CRYBG1: variants seen among roughly 807,000 people sequenced by gnomAD.
CRYBG1 encodes beta/gamma crystallin domain-containing protein 1.
CRYBG1 carries 139 observed loss-of-function variants against 189.2 expected under a neutral mutation model. That is an observed-to-expected ratio of 0.73 (90% CI 0.64 to 0.85). The LOEUF (loss-of-function observed/expected upper bound fraction) is 0.85, where lower values mean the gene tolerates loss of function less well. Ranked by LOEUF, CRYBG1 falls within the 40% of genes least tolerant of loss-of-function variation. The probability of loss-of-function intolerance (pLI) is 0.00; values close to 1 mark genes in which losing one functional copy is unlikely to be tolerated. For synonymous variants in CRYBG1, 1,023 were observed against 1,017.1 expected, an observed-to-expected ratio of 1.01 and a Z score of -0.11; for missense variants, 2,611 against 2,675.8, an observed-to-expected ratio of 0.98 and a Z score of 0.53.
chr6:106,444,962 C>T (rs1326968792), intron 1 of CRYBG1, among the ~76,000 whole-genome samples: 1 of 150,496 alleles, frequency 6.6e-6, no homozygotes, highest in Non-Finnish European at 1.5e-5. Context: ...AGTGAGACCC[C>T]GTCTTTACAA....
chr6:106,472,935 T>A (rs938558155), intron 2 of CRYBG1, among the ~76,000 whole-genome samples: 2 of 151,090 alleles, frequency 1.3e-5, no homozygotes, highest in African/African-American at 4.9e-5. Flanking sequence ...AGAAAGTATA[T>A]TCTGTTATTA....
chr6:106,548,743 A>T (rs4946761), intron 13 of CRYBG1, among the ~76,000 whole-genome samples: 114,802 of 150,556 alleles, frequency 0.76, 46,187 homozygotes, highest in South Asian at 0.94. Flanking sequence ...CTTTTTTTTT[A>T]AATTTTATTA....
chr6:106,379,781 T>TGCTTGAGGCC (rs1582730916), intron 1 of CRYBG1, among the ~76,000 whole-genome samples: 1 of 151,954 alleles, frequency 6.6e-6, no homozygotes, highest in East Asian at 2.0e-4. Context: ...AGCTTGAGGA[T>TGCTTGAGGCC]TGCTTGAGGC....
chr6:106,521,264 A>G lies in CRYBG1; in HGVS notation c.4056A>G (p.Pro1352=). The part of the protein sequence containing the change: ...DLDSRSNLHL[P]ETKFSELSKL... ...ATTCACGAAGCAACCTACACTTGCC[A>G]GAAACTAAATTTTCTGAATTGTCAA... The change falls in exon 4 of 22, where the codon CCA becomes CCG. Residue 1352 remains proline, a synonymous_variant. Coordinates refer to ENST00000633556, the MANE Select transcript of CRYBG1 (RefSeq NM_001371242.2). 6.2e-7 allele frequency: 1 copy of G among 1,613,928 alleles called. No homozygotes were observed. The highest frequency in any genetic ancestry group is 2.2e-5 in the East Asian group (1 of 44,886).
In CRYBG1 at chr6:106,387,399, C is replaced by T. The variant is rs1483497321; in HGVS notation, c.173+26318C>T. On this transcript the variant is annotated intron_variant, in intron 1 of 21. Transcript: ENST00000633556. Reference sequence around the variant, plus strand: ...CACCCAGGAGAGATGGAAGAGACTCCGCTCCCCTCATGGGGTCTTAAGCAT... The same window carrying T: ...CACCCAGGAGAGATGGAAGAGACTCTGCTCCCCTCATGGGGTCTTAAGCAT... Among the ~76,000 whole-genome samples the T allele has an allele frequency of 4.6e-5, 7 of 152,246 alleles. No individual in the cohort carries two copies. The South Asian group carries it at 6.2e-4, about 14-fold the overall frequency.
At chr6:106,377,054 G>C (rs1238114810) in intron 1 of CRYBG1, among the ~76,000 whole-genome samples, 1 of 152,178 alleles carries the variant, frequency 6.6e-6, no homozygotes, top group African/African-American at 2.4e-5. Flanking sequence ...AAGGCAAGCA[G>C]GATACCTTCC....
At position 106,570,638 on chromosome 6, in the gene CRYBG1, G is replaced by A. The variant is rs955289122; in HGVS notation, c.*2072G>A. 3 of 152,202 alleles carry A rather than the reference G, an allele frequency of 2.0e-5. No individual in the cohort carries two copies. Among genetic ancestry groups the A allele is most frequent in the African/African-American group, 4.8e-5 (2 of 41,440 alleles). The allele number at this position is 152,202 out of a possible 1,614,324, so 9.4% of individuals were successfully genotyped here. On this transcript the variant is annotated 3_prime_UTR_variant, in exon 22 of 22. Coordinates refer to ENST00000633556, the MANE Select transcript of CRYBG1 (RefSeq NM_001371242.2). ...AGTTTCTGAGTGGAAACGAGGATGA[G>A]TGAGGTCCTGGCTCAAGTATTTTAC...
intron 2 of CRYBG1, among the ~76,000 whole-genome samples, chr6:106,482,523 C>T (rs1367414370): frequency 6.6e-6 from 1 of 152,152 alleles, no homozygotes; most frequent in East Asian, 1.9e-4. Context: ...CGCCTATAAT[C>T]CCAGCACTTT....
rs372580653 is a variant in CRYBG1 at position 106,418,006 on chromosome 6, G to A, written c.174-33688G>A. 9.4e-4 allele frequency among the ~76,000 whole-genome samples: 143 copies of A among 152,384 alleles called. 2 individuals carry two copies. Among genetic ancestry groups the A allele is most frequent in the Non-Finnish European group, 3.2e-4 (22 of 68,044 alleles). On this transcript the variant is annotated intron_variant, in intron 1 of 21. Coordinates refer to ENST00000633556, the MANE Select transcript of CRYBG1 (RefSeq NM_001371242.2). ...CTGCCGGTGAGGGCAAAAGGTCAGT[G>A]TGACAGCCTTTCTGTGTACCTGCAC... is the stretch of plus-strand genomic sequence containing the variant.
At chr6:106,371,151 C>T (rs1025427882) in intron 1 of CRYBG1, among the ~76,000 whole-genome samples, 9 of 152,188 alleles carry the variant, frequency 5.9e-5, no homozygotes, top group South Asian at 2.1e-4. Flanking sequence ...CTTTACAAGG[C>T]TTGAAGTAAT....
intron 1 of CRYBG1, among the ~76,000 whole-genome samples, chr6:106,386,137 A>G (rs976640255): frequency 2.6e-5 from 4 of 152,238 alleles, no homozygotes; most frequent in African/African-American, 9.6e-5. Context: ...CAGAATGTGA[A>G]TAACCTGTTG....
intron 1 of CRYBG1, among the ~76,000 whole-genome samples, chr6:106,447,692 T>C (rs1771693425): frequency 6.6e-6 from 1 of 152,082 alleles, no homozygotes; most frequent in African/African-American, 2.4e-5. Flanking sequence ...AAGGTTGGCT[T>C]TTAGGCTAGG....
chr6:106,483,604 T>C (rs1310008453), intron 2 of CRYBG1, among the ~76,000 whole-genome samples: 1 of 152,072 alleles, frequency 6.6e-6, no homozygotes, highest in East Asian at 1.9e-4. Flanking sequence ...TTGTTTTCCA[T>C]AGTGGCTGTA....
chr6:106,416,265 C>T (rs1380568538), intron 1 of CRYBG1, among the ~76,000 whole-genome samples: 1 of 152,230 alleles, frequency 6.6e-6, no homozygotes, highest in Non-Finnish European at 1.5e-5. Flanking sequence ...GCGTGATGAA[C>T]ATGCATGGGG....
chr6:106,525,499 A>G (rs1029617386), intron 6 of CRYBG1, 113 bp downstream of exon 6: 1 of 792,252 alleles, frequency 1.3e-6, no homozygotes, highest in East Asian at 2.5e-5. Context: ...TGAAAAGCAC[A>G]GGAAATACTA....
intron 2 of CRYBG1, among the ~76,000 whole-genome samples, chr6:106,460,143 C>T (rs12195920): frequency 0.078 from 8,613 of 110,446 alleles, 349 homozygotes; most frequent in Admixed American, 0.14. Context: ...CCCGCCACCA[C>T]GCCCGGCTAA....
intron 13 of CRYBG1, among the ~76,000 whole-genome samples, chr6:106,546,844 A>G (rs1311008446): frequency 6.6e-6 from 1 of 152,240 alleles, no homozygotes; most frequent in Non-Finnish European, 1.5e-5. Context: ...ACAGTTGTAC[A>G]TTTTGATACT....
intron 3 of CRYBG1, among the ~76,000 whole-genome samples, chr6:106,518,647 T>C (rs1773496444): frequency 6.6e-6 from 1 of 152,054 alleles, no homozygotes; most frequent in Non-Finnish European, 1.5e-5. Flanking sequence ...TAGGACTATT[T>C]AAAAATAGTT....
chr6:106,416,784 C>G (rs183627818), intron 1 of CRYBG1, among the ~76,000 whole-genome samples: 1 of 152,086 alleles, frequency 6.6e-6, no homozygotes. Flanking sequence ...ATAAAAGACA[C>G]TTGTGATATG....
Sources: gnomAD v4.1 joint callset for allele counts (sites outside exome capture counted in the v4.1 genomes callset) on GRCh38, gnomAD v4.1.1 for gene constraint, MANE v1.5 for transcripts, NCBI Gene and HGNC (gene_info 2026-07-23, HGNC 2026-07-21) for gene names.